Variants in GCA observed in about 807,000 individuals in gnomAD.
GCA encodes the protein grancalcin.
Under a neutral mutation model 32.6 loss-of-function variants are expected in GCA, and 30 were observed. The ratio of observed to expected loss-of-function variants is 0.92; its 90% CI spans 0.69 to 1.25. The LOEUF (loss-of-function observed/expected upper bound fraction) is 1.25, where lower values mean the gene tolerates loss of function less well. Ranked by LOEUF, GCA falls within the 50% of genes most tolerant of loss-of-function variation. The pLI is 0.00. For missense variants in GCA, 291 were observed against 266.8 expected, an observed-to-expected ratio of 1.09 and a Z score of -0.63; for synonymous variants, 102 against 84.6, an observed-to-expected ratio of 1.21 and a Z score of -1.13.
chr2:162,347,461 TA>T, intron 1 of GCA, 116 bp from the exon 2 acceptor site: 1 of 565,808 alleles, frequency 1.8e-6, no homozygotes, highest in Non-Finnish European at 2.9e-6. Context: ...GATAAGATTA[TA>T]AGCTTTTGGT....
At chr2:162,369,414 A>T (rs1477654266) in intron 4 of GCA, among the ~76,000 whole-genome samples, 1 of 152,156 alleles carries the variant, frequency 6.6e-6, no homozygotes, top group Non-Finnish European at 1.5e-5. Flanking sequence ...CTGAGGGTTA[A>T]GATTTTAATA....
chr2:162,363,570 A>G (rs1685661998), downstream of GCA, among the ~76,000 whole-genome samples: 1 of 151,462 alleles, frequency 6.6e-6, no homozygotes, highest in Non-Finnish European at 1.5e-5. Context: ...TGAGGTCATC[A>G]TATAGTACAT....
At chr2:162,345,550 G>C (rs1306315139) in intron 1 of GCA, among the ~76,000 whole-genome samples, 6 of 152,192 alleles carry the variant, frequency 3.9e-5, no homozygotes, top group Non-Finnish European at 5.9e-5. Context: ...ACTTTTGTCA[G>C]AGTGCTTGAA....
intron 3 of GCA, among the ~76,000 whole-genome samples, chr2:162,355,103 T>C (rs1174037998): frequency 1.3e-5 from 2 of 152,202 alleles, no homozygotes; most frequent in Non-Finnish European, 2.9e-5. Flanking sequence ...ATTTCTCATG[T>C]AATCCCCTCA....
At chr2:162,349,160 C>T (rs1684861642) in intron 2 of GCA, among the ~76,000 whole-genome samples, 1 of 151,938 alleles carries the variant, frequency 6.6e-6, no homozygotes, top group African/African-American at 2.4e-5. Context: ...AGAAGCTTAC[C>T]TGTGAATTCA....
chr2:162,364,221 A>G (rs775201808), downstream of GCA, among the ~76,000 whole-genome samples: 1 of 151,484 alleles, frequency 6.6e-6, no homozygotes, highest in Non-Finnish European at 1.5e-5. Flanking sequence ...TATTGAATCA[A>G]ATTTCATTTT....
intron 1 of GCA, among the ~76,000 whole-genome samples, chr2:162,334,637 C>A (rs1172673959): frequency 6.6e-6 from 1 of 152,184 alleles, no homozygotes; most frequent in East Asian, 1.9e-4. Flanking sequence ...CTAGCCACAG[C>A]ACTCATCTCA....
At chr2:162,369,310 C>T (rs934249844) in intron 4 of GCA, among the ~76,000 whole-genome samples, 1 of 152,088 alleles carries the variant, frequency 6.6e-6, no homozygotes, top group African/African-American at 2.4e-5. Context: ...AGTCTTCTGA[C>T]ATTTATGCCC....
At position 162,347,718 on chromosome 2, in the gene GCA, T is replaced by C. The variant is rs1360656905; in HGVS notation, c.168T>C (p.Thr56=). 3 of 1,580,346 alleles carry C rather than the reference T, an allele frequency of 1.9e-6. No individual in the cohort carries two copies. The highest frequency in any genetic ancestry group is 2.6e-6 in the Non-Finnish European group (3 of 1,160,774). Residue 56 remains threonine, a synonymous_variant, in exon 2 of 8, where the codon ACT becomes ACC. Coordinates refer to ENST00000437150, the MANE Select transcript of GCA (RefSeq NM_012198.5). ...CCTCAGCTGGTGACTCCGTGTATAC[T>C]TACTTCAGTGCTGTTGCTGGACAGG... The part of the protein sequence containing the change: ...TYSSAGDSVY[T]YFSAVAGQDG...
rs1169687581 is a variant in GCA at position 162,362,094 on chromosome 2, TAGA to T, written c.*1854_*1856del. On this transcript the variant is annotated 3_prime_UTR_variant, in exon 8 of 8. Transcript: ENST00000437150. ...AAAATGTTCTTATGACTTTTGGTCA[TAGA>T]AGGTCTATGAAGGAGCTTCCATGGC... 6 of 984,074 alleles carry T rather than the reference TAGA, an allele frequency of 6.1e-6. No individual in the cohort carries two copies. Among genetic ancestry groups the T allele is most frequent in the Admixed American group, 6.2e-5 (1 of 16,128 alleles). The allele number at this position is 984,074 out of a possible 1,614,324, so 61.0% of individuals were successfully genotyped here.
intron 1 of GCA, among the ~76,000 whole-genome samples, chr2:162,329,021 C>T (rs1683985094): frequency 6.6e-6 from 1 of 152,154 alleles, no homozygotes; most frequent in African/African-American, 2.4e-5. Flanking sequence ...TTCCTCTCCA[C>T]ATCCAGCCGC....
chr2:162,359,111 C>T lies in GCA; in HGVS notation c.522C>T (p.Phe174=). 1 of 1,607,328 alleles carries T rather than the reference C, an allele frequency of 6.2e-7. No individual in the cohort carries two copies. Among genetic ancestry groups the T allele is most frequent in the South Asian group, 1.1e-5 (1 of 90,680 alleles). The change falls in exon 6 of 8, where the codon TTC becomes TTT. Residue 174 remains phenylalanine (F), a synonymous_variant. Coordinates refer to ENST00000437150, the MANE Select transcript of GCA (RefSeq NM_012198.5). ...GTTATAGCAAGAATGGCAGAATTTT[C>T]TTTGATGATTATGTTGCTTGCTGTG... The part of the protein sequence containing the change: ...VKRYSKNGRI[F]FDDYVACCVK...
At chr2:162,341,614 G>A (rs193071909), upstream of GCA, among the ~76,000 whole-genome samples, 55 of 152,036 alleles carry the variant, frequency 3.6e-4, no homozygotes, top group Non-Finnish European at 7.2e-4. Flanking sequence ...GGCTAATCTT[G>A]GTCAAAACAA....
At chr2:162,354,532 A>G (rs1685163434) in intron 3 of GCA, among the ~76,000 whole-genome samples, 1 of 152,160 alleles carries the variant, frequency 6.6e-6, no homozygotes. Flanking sequence ...AACTGAACCG[A>G]GGCAGGGAGG....
chr2:162,371,696 G>T, downstream of GCA: 1 of 928,038 alleles, frequency 1.1e-6, no homozygotes, highest in Non-Finnish European at 1.6e-6. Context: ...TTCAATTTAG[G>T]AAAATATACA....
intron 3 of GCA, among the ~76,000 whole-genome samples, chr2:162,354,432 C>T (rs766243221): frequency 1.3e-4 from 20 of 152,168 alleles, no homozygotes; most frequent in Non-Finnish European, 2.2e-4. Flanking sequence ...ATAGCCCTGT[C>T]TCAGCTCTGG....
chr2:162,348,989 TC>T (rs1684852153), intron 2 of GCA, among the ~76,000 whole-genome samples: 1 of 151,726 alleles, frequency 6.6e-6, no homozygotes, highest in Non-Finnish European at 1.5e-5. Flanking sequence ...GGTTTCTTTT[TC>T]TTTTTTCTTT....
chr2:162,356,877 T>C lies in GCA; in HGVS notation c.426T>C (p.His142=), dbSNP rs770137996. ...ATGGAAGTGGCACAGTAGAACATCATGAGTTGCGTCAAGCCATTGGTCTTA... is the reference window on the plus strand; with the variant it reads ...ATGGAAGTGGCACAGTAGAACATCACGAGTTGCGTCAAGCCATTGGTCTTA... ...DQDGSGTVEH[H]ELRQAIGLMG... Residue 142 remains histidine, a synonymous_variant, in exon 5 of 8, where the codon CAT becomes CAC. Transcript: ENST00000437150. The C allele has an allele frequency of 5.0e-6, 8 of 1,609,450 alleles. No individual in the cohort carries two copies. The highest frequency in any genetic ancestry group is 5.9e-6 in the Non-Finnish European group (7 of 1,176,922).
chr2:162,367,265 C>A (rs1685781262), downstream of GCA, among the ~76,000 whole-genome samples: 1 of 151,924 alleles, frequency 6.6e-6, no homozygotes, highest in African/African-American at 2.4e-5. Flanking sequence ...CAGTTTAAGA[C>A]TGTGTAACAT....
Sources: allele counts gnomAD v4.1 joint callset (sites outside exome capture counted in the v4.1 genomes callset), GRCh38; gene constraint gnomAD v4.1.1; transcripts MANE v1.5; gene names NCBI Gene and HGNC (gene_info 2026-07-23, HGNC 2026-07-21).